Variants in PHRF1 observed in about 807,000 individuals in gnomAD.
The protein encoded by PHRF1 is PHD and RING finger domain-containing protein 1.
PHRF1 carries 53 observed loss-of-function variants against 128.9 expected under a neutral mutation model. The ratio of observed to expected loss-of-function variants is 0.41; its 90% CI spans 0.33 to 0.52. The LOEUF (loss-of-function observed/expected upper bound fraction) is 0.52, where lower values mean the gene tolerates loss of function less well. PHRF1 is among the 20% of genes least tolerant of loss of function. PHRF1 has a pLI of 0.21. For synonymous variants in PHRF1, 1,178 were observed against 980.6 expected, an observed-to-expected ratio of 1.20 and a Z score of -3.76; for missense variants, 2,503 against 2,284.5, an observed-to-expected ratio of 1.10 and a Z score of -1.95.
At chr11:581,700 C>G in intron 2 of PHRF1, 94 bp downstream of exon 2, 1 of 1,232,106 alleles carries the variant, frequency 8.1e-7, no homozygotes, top group Middle Eastern at 2.1e-4. Flanking sequence ...CACTTGTCAA[C>G]TTTCAGTCTA....
chr11:611,907 TGGG>T lies in PHRF1; in HGVS notation c.*134_*136del, dbSNP rs754707062. 9.2e-6 allele frequency: 13 copies of T among 1,416,386 alleles called. No individual in the cohort carries two copies. The highest frequency in any genetic ancestry group is 5.0e-5 in the East Asian group (2 of 39,716). The allele number at this position is 1,416,386 out of a possible 1,614,324, so 87.7% of individuals were successfully genotyped here. A position where few individuals can be genotyped will look rare whatever the true frequency, so the allele number is the denominator to read the frequency against. ...GGGAGCTGTCGGGAGTGGCGGGAAATGGGGGGCATCACCATGCCTGCCGTCGGG... is the reference window on the plus strand; with the variant it reads ...GGGAGCTGTCGGGAGTGGCGGGAAATGGGCATCACCATGCCTGCCGTCGGG... On this transcript the variant is annotated 3_prime_UTR_variant, in exon 18 of 18. Coordinates refer to ENST00000264555, the MANE Select transcript of PHRF1 (RefSeq NM_001286581.2).
chr11:585,573 AGT>A (rs1854484500), intron 3 of PHRF1, among the ~76,000 whole-genome samples: 10 of 114,454 alleles, frequency 8.7e-5, no homozygotes, highest in African/African-American at 4.0e-4. Flanking sequence ...AGCTTGAGGT[AGT>A]AGCCCTTTCC....
rs1180856589 is a variant in PHRF1, at chr11:597,226, G to C, written c.719-169G>C. 6.6e-6 allele frequency among the ~76,000 whole-genome samples: 1 copy of C among 152,060 alleles called. No homozygotes were observed. The highest frequency in any genetic ancestry group is 1.5e-5 in the Non-Finnish European group (1 of 67,992). On this transcript the variant is annotated intron_variant, in intron 7 of 17. Coordinates refer to ENST00000264555, the MANE Select transcript of PHRF1 (RefSeq NM_001286581.2). The surrounding 1 kb of genome is among the most constrained non-coding windows in gnomAD (Gnocchi z 6.5). The stretch of plus-strand genomic sequence containing the variant: ...TGTGTGTGGGGTCCATTGGCTGGGG[G>C]GTTCCGGTCCTCAGTGTTAGGAGCA...
chr11:601,283 G>T (rs1352362752), intron 9 of PHRF1, among the ~76,000 whole-genome samples: 1 of 152,038 alleles, frequency 6.6e-6, no homozygotes, highest in Non-Finnish European at 1.5e-5. Context: ...AAAAAAATTA[G>T]CTGGGCACGG....
At chr11:602,832 G>A (rs868013887) in intron 10 of PHRF1, among the ~76,000 whole-genome samples, 46 of 147,540 alleles carry the variant, frequency 3.1e-4, no homozygotes, top group Admixed American at 2.7e-4. Flanking sequence ...GTGCGATCTC[G>A]GCTCACTGCA....
Position 608,272 on chromosome 11 carries a change from A to G in PHRF1, c.2816A>G (p.Glu939Gly). 1.2e-6 allele frequency: 2 copies of G among 1,610,030 alleles called. No individual in the cohort carries two copies. Among genetic ancestry groups the G allele is most frequent in the Non-Finnish European group, 1.7e-6 (2 of 1,179,472 alleles). The change falls in exon 14 of 18, where the codon GAG (glutamate) becomes GGG (glycine). Residue 939 changes from glutamate (E) to glycine (G), a missense_variant. Coordinates refer to ENST00000264555, the MANE Select transcript of PHRF1 (RefSeq NM_001286581.2). The part of the protein sequence containing the change: ...AARLRRPSPP[E>G]PWDEEDGASC... ...CGGCTGCGGAGGCCATCCCCCCCAG[A>G]GCCCTGGGATGAGGAGGATGGGGCG... is the stretch of plus-strand genomic sequence containing the variant.
In PHRF1 at chr11:586,680, C is replaced by T. The variant is rs529548211; in HGVS notation, c.215-579C>T. On this transcript the variant is annotated intron_variant, in intron 3 of 17. Coordinates refer to ENST00000264555, the MANE Select transcript of PHRF1 (RefSeq NM_001286581.2). ...GAGCATCTCCCTGCTCCCTGCTGGT[C>T]AAGGTGTAGCCTCAGAACCACTCCG... is the stretch of plus-strand genomic sequence containing the variant. Among the ~76,000 whole-genome samples the T allele has an allele frequency of 3.3e-5, 5 of 152,338 alleles. No homozygotes were observed. The East Asian group carries it at 9.6e-4, about 29-fold the overall frequency.
At chr11:579,926 A>G (rs894791883) in intron 1 of PHRF1, among the ~76,000 whole-genome samples, 3 of 152,296 alleles carry the variant, frequency 2.0e-5, no homozygotes, top group Admixed American at 1.3e-4. Flanking sequence ...TTTGTTGTCC[A>G]GGGGTTTCCA....
At chr11:585,032 C>T (rs1854447054) in intron 3 of PHRF1, among the ~76,000 whole-genome samples, 1 of 152,192 alleles carries the variant, frequency 6.6e-6, no homozygotes, top group Non-Finnish European at 1.5e-5. Context: ...GCCACCGCGC[C>T]TGGCCAGGAC....
In PHRF1 at chr11:609,171, C is replaced by T. The variant is rs776591899; in HGVS notation, c.3715C>T (p.Pro1239Ser). The T allele has an allele frequency of 6.2e-7, 1 of 1,606,578 alleles. No homozygotes were observed. Among genetic ancestry groups the T allele is most frequent in the Admixed American group, 1.7e-5 (1 of 60,014 alleles). Residue 1239 changes from proline (P) to serine (S), a missense_variant, in exon 14 of 18, where the codon CCC becomes TCC. Coordinates refer to ENST00000264555, the MANE Select transcript of PHRF1 (RefSeq NM_001286581.2). ...GGAGGTGGCTACGGCCGACAAGGCC[C>T]CCCTGCAGGCTCCCCCTGTCCTGGA... ...SPEVATADKA[P>S]LQAPPVLEVA...
chr11:580,383 G>A (rs1854134178), intron 1 of PHRF1, among the ~76,000 whole-genome samples: 1 of 152,232 alleles, frequency 6.6e-6, no homozygotes, highest in Admixed American at 6.5e-5. Flanking sequence ...AGAGTGGGAA[G>A]GGCAGGGGTC....
chr11:587,709 G>T (rs1258441327), intron 4 of PHRF1, among the ~76,000 whole-genome samples: 2 of 152,150 alleles, frequency 1.3e-5, no homozygotes, highest in Admixed American at 1.3e-4. Flanking sequence ...ATGGCCGTGG[G>T]TCTCCCAGGA....
At chr11:582,671 C>G (rs1382892353) in intron 3 of PHRF1, among the ~76,000 whole-genome samples, 1 of 151,794 alleles carries the variant, frequency 6.6e-6, no homozygotes, top group South Asian at 2.1e-4. Flanking sequence ...ACTACAGGCG[C>G]CCGCCACCAA....
rs369282695 is a variant in PHRF1 at position 589,932 on chromosome 11, G to A, written c.421-1452G>A. ...CAGGGTTCAGCCTGAGAGGGTGTCT[G>A]CAAACGGGCACGGAGCGTGCGGGGC... On this transcript the variant is annotated intron_variant, in intron 4 of 17. Transcript: ENST00000264555. Among the ~76,000 whole-genome samples, 4 of 141,416 alleles carry A rather than the reference G, an allele frequency of 2.8e-5. No homozygotes were observed. In the East Asian group the frequency reaches 8.0e-4, roughly 28 times the overall value. 92.8% of individuals were successfully genotyped at this position (141,416 alleles called of 152,430 possible). A position where few individuals can be genotyped will look rare whatever the true frequency, so the allele number is the denominator to read the frequency against.
chr11:609,835 C>T (rs543090566), intron 14 of PHRF1, 115 bp downstream of exon 14: 11 of 714,594 alleles, frequency 1.5e-5, no homozygotes, highest in Non-Finnish European at 2.2e-5. Flanking sequence ...GAGGACAGAG[C>T]CCCCCGTGAG....
chr11:599,181 C>A (rs1855482226), intron 9 of PHRF1, among the ~76,000 whole-genome samples: 1 of 151,370 alleles, frequency 6.6e-6, no homozygotes, highest in Non-Finnish European at 1.5e-5. Flanking sequence ...TTACTCAGTG[C>A]GTTCTAATCT....
chr11:592,072 C>T (rs1430011970), intron 5 of PHRF1, among the ~76,000 whole-genome samples: 1 of 152,136 alleles, frequency 6.6e-6, no homozygotes, highest in African/African-American at 2.4e-5. Flanking sequence ...CCCGCCACCA[C>T]GCCCGGCTAA....
intron 9 of PHRF1, among the ~76,000 whole-genome samples, 170 bp downstream of exon 9, chr11:598,672 G>T (rs996399331): frequency 6.6e-6 from 1 of 152,246 alleles, no homozygotes; most frequent in Non-Finnish European, 1.5e-5. Context: ...GGAGGTGTGG[G>T]TCTGATGTGC....
rs751014372 is a variant in PHRF1, at chr11:597,428, T to C, written c.752T>C (p.Leu251Pro). 6.2e-7 allele frequency: 1 copy of C among 1,612,970 alleles called. No individual in the cohort carries two copies. The highest frequency in any genetic ancestry group is 1.7e-5 in the Admixed American group (1 of 59,910). The change falls in exon 8 of 18, where the codon CTG becomes CCG. Residue 251 changes from leucine to proline, a missense_variant. Transcript: ENST00000264555. This position sits in a 1 kb window ranked among gnomAD's most constrained non-coding sequence, Gnocchi z 6.5. ...CCCGTGAGTGAGGAGGAGGTCTCCC[T>C]GCTCTTGGCTGATGTGGTGCCCACC... is the stretch of plus-strand genomic sequence containing the variant. The part of the protein sequence containing the change: ...AGPVSEEEVS[L>P]LLADVVPTTS...
Sources: allele counts gnomAD v4.1 joint callset (sites outside exome capture counted in the v4.1 genomes callset), GRCh38; gene constraint gnomAD v4.1.1; non-coding constraint Gnocchi (gnomAD v3.1); transcripts MANE v1.5; gene names NCBI Gene and HGNC (gene_info 2026-07-23, HGNC 2026-07-21).